ZHX2: variants seen among roughly 807,000 people sequenced by gnomAD.
The protein encoded by ZHX2 is zinc fingers and homeoboxes 2, also known as zinc fingers and homeoboxes protein 2.
Under a neutral mutation model 21.9 loss-of-function variants are expected in ZHX2, and 6 were observed. That is an observed-to-expected ratio of 0.27 (90% CI 0.15 to 0.54). The LOEUF (loss-of-function observed/expected upper bound fraction) is 0.54. Ranked by LOEUF, ZHX2 falls within the 20% of genes least tolerant of loss-of-function variation. ZHX2 has a pLI of 0.95. For synonymous variants in ZHX2, 434 were observed against 437.1 expected, an observed-to-expected ratio of 0.99 and a Z score of 0.09; for missense variants, 908 against 1,090.7, an observed-to-expected ratio of 0.83 and a Z score of 2.36.
chr8:122,842,205 G>A (rs11778542), intron 1 of ZHX2, among the ~76,000 whole-genome samples: 33,727 of 152,142 alleles, frequency 0.22, 3,789 homozygotes, highest in Middle Eastern at 0.32. Context: ...AAATGAGAAG[G>A]TTGTAGGAAA....
intron 2 of ZHX2, among the ~76,000 whole-genome samples, chr8:122,885,487 G>A (rs1819817849): frequency 6.6e-6 from 1 of 151,796 alleles, no homozygotes; most frequent in Non-Finnish European, 1.5e-5. Flanking sequence ...GAGTTTTCTT[G>A]GAGTTTTTGG....
chr8:122,932,787 G>C (rs1378291630), intron 2 of ZHX2, among the ~76,000 whole-genome samples: 2 of 152,052 alleles, frequency 1.3e-5, no homozygotes, highest in African/African-American at 4.8e-5. Flanking sequence ...TACAAAGTAA[G>C]ATTCCCAGAT....
intron 1 of ZHX2, among the ~76,000 whole-genome samples, chr8:122,839,723 G>A (rs1024127466): frequency 1.3e-5 from 2 of 152,132 alleles, no homozygotes; most frequent in African/African-American, 4.8e-5. Flanking sequence ...GGGATCGTGG[G>A]GGGTTTGGTT....
intron 1 of ZHX2, among the ~76,000 whole-genome samples, chr8:122,815,047 T>G (rs1480680240): frequency 6.6e-6 from 1 of 152,250 alleles, no homozygotes; most frequent in Non-Finnish European, 1.5e-5. Context: ...TCAGAAAATA[T>G]AGATGATGAG....
intron 1 of ZHX2, among the ~76,000 whole-genome samples, chr8:122,842,394 A>G (rs1307651115): frequency 1.3e-5 from 2 of 152,238 alleles, no homozygotes; most frequent in African/African-American, 4.8e-5. Flanking sequence ...CAGTGGGAAC[A>G]TCAGGGAGCT....
At chr8:122,901,072 C>T (rs574890714) in intron 2 of ZHX2, among the ~76,000 whole-genome samples, 2 of 152,122 alleles carry the variant, frequency 1.3e-5, no homozygotes, top group African/African-American at 4.8e-5. Flanking sequence ...GGTATTGTTG[C>T]TTAGAAATAC....
Position 122,952,330 on chromosome 8 carries a change from A to G in ZHX2, c.820A>G (p.Asn274Asp). The G allele has an allele frequency of 6.2e-7, 1 of 1,614,100 alleles. No individual in the cohort carries two copies. The change falls in exon 3 of 4, where the codon AAT becomes GAT. Residue 274 changes from asparagine (N) to aspartate (D), a missense_variant. This residue lies in a region of ZHX2 where 232 missense variants were observed against 361.8 expected (regional missense o/e 0.64). Transcript: ENST00000314393. The surrounding 1 kb of genome is among the most constrained non-coding windows in gnomAD (Gnocchi z 6.9). ...TTKYNSALDTNATMINSFNKF... is the reference protein window; with the variant it reads ...TTKYNSALDTDATMINSFNKF... Reference sequence around the variant, plus strand: ...CAAATACAACTCTGCCCTGGATACAAATGCCACGATGATCAACTCTTTCAA... The same window carrying G: ...CAAATACAACTCTGCCCTGGATACAGATGCCACGATGATCAACTCTTTCAA...
rs1445002108 is a variant in ZHX2 at position 122,953,073 on chromosome 8, G to A, written c.1563G>A (p.Thr521=). The change falls in exon 3 of 4, where the codon ACG becomes ACA. Residue 521 remains threonine (T), a synonymous_variant. Transcript: ENST00000314393. The surrounding 1 kb of genome is among the most constrained non-coding windows in gnomAD (Gnocchi z 4.6). ...LAIAASRHGR[T]YHAYPDFAPQ... ...TCGCGGCCTCCCGACACGGTCGCACGTATCATGCGTACCCAGACTTTGCCC... is the reference window on the plus strand; with the variant it reads ...TCGCGGCCTCCCGACACGGTCGCACATATCATGCGTACCCAGACTTTGCCC... The A allele has an allele frequency of 4.3e-6, 7 of 1,613,910 alleles. No individual in the cohort carries two copies. The highest frequency in any genetic ancestry group is 4.5e-5 in the East Asian group (2 of 44,870).
intron 2 of ZHX2, among the ~76,000 whole-genome samples, chr8:122,943,498 T>A (rs908242640): frequency 2.0e-5 from 3 of 152,162 alleles, no homozygotes; most frequent in Admixed American, 1.3e-4. Context: ...AAGGCTTTGG[T>A]GAATGTTGGC....
intron 3 of ZHX2, among the ~76,000 whole-genome samples, chr8:122,960,693 C>T (rs1162029783): frequency 1.3e-5 from 2 of 152,118 alleles, no homozygotes; most frequent in Non-Finnish European, 2.9e-5. Context: ...TGAAAGGTGG[C>T]CATGGTGGGC....
intron 2 of ZHX2, among the ~76,000 whole-genome samples, chr8:122,872,160 G>A (rs1819457824): frequency 6.6e-6 from 1 of 152,202 alleles, no homozygotes; most frequent in Non-Finnish European, 1.5e-5. Context: ...TGATGGAGGT[G>A]ACAGGTGAAC....
chr8:122,897,981 G>T (rs1171041556), intron 2 of ZHX2, among the ~76,000 whole-genome samples: 2 of 152,216 alleles, frequency 1.3e-5, no homozygotes, highest in Non-Finnish European at 2.9e-5. Context: ...ATGGTGGTCC[G>T]CTCCATTCGA....
intron 2 of ZHX2, among the ~76,000 whole-genome samples, chr8:122,906,051 T>C (rs1181201738): frequency 1.3e-5 from 2 of 152,190 alleles, no homozygotes; most frequent in Non-Finnish European, 2.9e-5. Context: ...AAAAGTAATA[T>C]CAATCAGTTC....
chr8:122,836,139 C>T (rs538617284), intron 1 of ZHX2, among the ~76,000 whole-genome samples: 1 of 152,180 alleles, frequency 6.6e-6, no homozygotes, highest in Non-Finnish European at 1.5e-5. Context: ...GTTCCCAGAA[C>T]AGGATCTAAT....
intron 3 of ZHX2, among the ~76,000 whole-genome samples, chr8:122,967,091 CT>C (rs1442023952): frequency 6.6e-6 from 1 of 152,132 alleles, no homozygotes; most frequent in African/African-American, 2.4e-5. Context: ...TGGTTTTCAC[CT>C]TTTCCTGGTG....
chr8:122,910,843 A>C (rs1820462301), intron 2 of ZHX2, among the ~76,000 whole-genome samples: 1 of 152,140 alleles, frequency 6.6e-6, no homozygotes, highest in East Asian at 1.9e-4. Context: ...GCATCCCGTC[A>C]AGACCTCACT....
intron 2 of ZHX2, among the ~76,000 whole-genome samples, chr8:122,918,666 T>C (rs951786860): frequency 1.3e-5 from 2 of 152,058 alleles, no homozygotes; most frequent in Non-Finnish European, 2.9e-5. Context: ...TTTCTTTACG[T>C]CCGGGCGCGG....
At chr8:122,938,554 G>C (rs1812763411) in intron 2 of ZHX2, among the ~76,000 whole-genome samples, 1 of 151,938 alleles carries the variant, frequency 6.6e-6, no homozygotes, top group African/African-American at 2.4e-5. Flanking sequence ...GGAAGCTGAG[G>C]GGCCGGGCAC....
intron 1 of ZHX2, among the ~76,000 whole-genome samples, chr8:122,836,454 G>A (rs1563748250): frequency 6.6e-6 from 1 of 152,156 alleles, no homozygotes. Context: ...TTTGGCACCT[G>A]ACTTAAGGTT....
Sources: gnomAD v4.1 joint callset for allele counts (sites outside exome capture counted in the v4.1 genomes callset) on GRCh38, gnomAD v4.1.1 for gene constraint, gnomAD v4.1.1 regional missense constraint, Gnocchi (gnomAD v3.1) non-coding constraint, MANE v1.5 for transcripts, NCBI Gene and HGNC (gene_info 2026-07-23, HGNC 2026-07-21) for gene names.